Variants in MED12L observed in about 807,000 individuals in gnomAD.
MED12L encodes mediator of RNA polymerase II transcription subunit 12-like protein.
In MED12L, 60 loss-of-function variants were observed where a neutral mutation model predicts 281.3. The ratio of observed to expected loss-of-function variants is 0.21; its 90% confidence interval spans 0.17 to 0.26. MED12L has a LOEUF of 0.26. Ranked by LOEUF, MED12L falls within the 10% of genes least tolerant of loss-of-function variation. MED12L has a pLI of 1.00. For missense variants in MED12L, 2,146 were observed against 2,680.9 expected (o/e 0.80, Z 4.41); for synonymous variants, 974 against 987.2 (o/e 0.99, Z 0.25).
chr3:151,304,847 C>T (rs1236777277), intron 16 of MED12L, among the ~76,000 whole-genome samples: 2 of 152,050 alleles, frequency 1.3e-5, no homozygotes, highest in South Asian at 2.1e-4. Context: ...GAGCTGAAGT[C>T]GTTTTAGTTC....
intron 39 of MED12L, among the ~76,000 whole-genome samples, chr3:151,407,847 T>G (rs1172856863): frequency 6.6e-6 from 1 of 152,186 alleles, no homozygotes; most frequent in Non-Finnish European, 1.5e-5. Flanking sequence ...ATGCTGAAGT[T>G]TCGTAAATGG....
chr3:151,269,550 A>G, intron 16 of MED12L: 2 of 304,282 alleles, frequency 6.6e-6, no homozygotes, highest in Non-Finnish European at 1.3e-5. Flanking sequence ...TGATTGCCCA[A>G]ATTTCAAATT....
chr3:151,403,172 A>T (rs1163677221), intron 39 of MED12L, among the ~76,000 whole-genome samples: 1 of 152,172 alleles, frequency 6.6e-6, no homozygotes, highest in Non-Finnish European at 1.5e-5. Context: ...TCATGAATGC[A>T]TTGACCATGT....
Position 151,086,963 on chromosome 3 carries a change from C to T in MED12L, c.37C>T (p.Pro13Ser), listed in dbSNP as rs1202983673. ...CGGGCTTCTCAGCTATGAGCAGAGA[C>T]CGCTGAAGCGCCCCCGGCTCGGGCC... ...AFGLLSYEQR[P>S]LKRPRLGPPD... Residue 13 changes from proline (P) to serine (S), a missense_variant, in exon 2 of 45, where the codon CCG (proline) becomes TCG (serine). Pro to Ser is a moderately conservative substitution (Grantham distance 74). This residue lies in a region of MED12L where 44 missense variants were observed against 39.7 expected (regional missense o/e 1.11). Coordinates refer to ENST00000687756, the MANE Select transcript of MED12L (RefSeq NM_001393769.1). 2 of 1,609,956 alleles carry T rather than the reference C, an allele frequency of 1.2e-6. No homozygotes were observed. Among genetic ancestry groups the T allele is most frequent in the South Asian group, 2.2e-5 (2 of 90,478 alleles).
Position 151,165,985 on chromosome 3 carries a change from A to G in MED12L, c.1494+3A>G. 2 of 1,592,336 alleles carry G rather than the reference A, an allele frequency of 1.3e-6. No homozygotes were observed. Among genetic ancestry groups the G allele is most frequent in the Non-Finnish European group, 1.7e-6 (2 of 1,171,864 alleles). On this transcript the variant is annotated splice_donor_region_variant and intron_variant, in intron 11 of 44. Coordinates refer to ENST00000687756, the MANE Select transcript of MED12L (RefSeq NM_001393769.1). The stretch of plus-strand genomic sequence containing the variant: ...ACCAAAACAAAGATAACCAAGAGGT[A>G]GTTAATTTTTTTTTAATTCTTTTCA...
chr3:151,415,328 AT>A (rs1442230010), intron 42 of MED12L, among the ~76,000 whole-genome samples: 2 of 152,236 alleles, frequency 1.3e-5, no homozygotes, highest in Non-Finnish European at 2.9e-5. Context: ...GAAAAAGTTA[AT>A]AATGATGAAG....
At chr3:151,108,305 G>A (rs1711496160) in intron 2 of MED12L, among the ~76,000 whole-genome samples, 1 of 152,100 alleles carries the variant, frequency 6.6e-6, no homozygotes, top group Non-Finnish European at 1.5e-5. Flanking sequence ...GGGGAGATAT[G>A]TTTTGAGAGA....
At chr3:151,224,187 G>T (rs775268291) in intron 16 of MED12L, among the ~76,000 whole-genome samples, 3 of 152,088 alleles carry the variant, frequency 2.0e-5, no homozygotes, top group African/African-American at 7.2e-5. Context: ...CACTTATGAC[G>T]TGCATTTTTC....
At chr3:151,328,013 G>T in intron 16 of MED12L, 1 of 1,583,330 alleles carries the variant, frequency 6.3e-7, no homozygotes, top group Non-Finnish European at 8.6e-7. Context: ...TATGTTGTCT[G>T]TCTGACTGCT....
intron 16 of MED12L, among the ~76,000 whole-genome samples, chr3:151,195,239 G>A (rs890320049): frequency 1.2e-4 from 19 of 152,120 alleles, no homozygotes; most frequent in Admixed American, 1.2e-3. Context: ...GCAAAACAAA[G>A]TATTCTGTTA....
chr3:151,261,833 T>C (rs555848411), intron 16 of MED12L, among the ~76,000 whole-genome samples: 1 of 152,290 alleles, frequency 6.6e-6, no homozygotes, highest in South Asian at 2.1e-4. Flanking sequence ...CAATACATTC[T>C]TGTGCCTCAG....
At chr3:151,153,141 G>T (rs957860490) in intron 5 of MED12L, among the ~76,000 whole-genome samples, 5 of 152,318 alleles carry the variant, frequency 3.3e-5, no homozygotes, top group Admixed American at 3.3e-4. Context: ...CGGTGACCAA[G>T]ATCACAGTGC....
chr3:151,122,069 C>G (rs531799493), intron 3 of MED12L, among the ~76,000 whole-genome samples: 1 of 152,086 alleles, frequency 6.6e-6, no homozygotes, highest in Non-Finnish European at 1.5e-5. Context: ...TTACTTCTTT[C>G]CTGTTCCTTT....
In MED12L at chr3:151,165,767, A is replaced by G. The variant is rs1313366035; in HGVS notation, c.1358-79A>G. The G allele has an allele frequency of 1.8e-5, 26 of 1,447,662 alleles. No individual in the cohort carries two copies. The Admixed American group carries it at 3.2e-4, about 18-fold the overall frequency. The allele number at this position is 1,447,662 out of a possible 1,614,324, so 89.7% of individuals were successfully genotyped here. A position where few individuals can be genotyped will look rare whatever the true frequency, so the allele number is the denominator to read the frequency against. ...TTAAAAAAAAATTCTTTTGCCTCAC[A>G]TAGAATGGTGATTTTGTACTGTGTT... On this transcript the variant is annotated intron_variant, in intron 10 of 44. Coordinates refer to ENST00000687756, the MANE Select transcript of MED12L (RefSeq NM_001393769.1).
intron 16 of MED12L, among the ~76,000 whole-genome samples, chr3:151,313,841 T>C (rs1747876252): frequency 6.6e-6 from 1 of 151,986 alleles, no homozygotes; most frequent in South Asian, 2.1e-4. Context: ...GGAGAATCGC[T>C]TGAACGCAGG....
At position 151,383,881 on chromosome 3, in the gene MED12L, A is replaced by G; in HGVS notation, c.4783A>G (p.Thr1595Ala). The G allele has an allele frequency of 1.2e-6, 2 of 1,612,188 alleles. No individual in the cohort carries two copies. The highest frequency in any genetic ancestry group is 2.2e-5 in the South Asian group (2 of 90,990). The change falls in exon 34 of 45, where the codon ACT (threonine) becomes GCT (alanine). Residue 1595 changes from threonine (T) to alanine (A), a missense_variant. Thr to Ala is a moderately conservative substitution (Grantham distance 58, BLOSUM62 0). Transcript: ENST00000687756. ...TACTTCAGGAACTGTTGACATGCAC[A>G]CTAACAAGTATGTTTTTATCACTTC... ...IITSGTVDMH[T>A]NNELFTTVLD...
At chr3:151,293,786 AAGT>A (rs1033873276) in intron 16 of MED12L, among the ~76,000 whole-genome samples, 1 of 152,126 alleles carries the variant, frequency 6.6e-6, no homozygotes, top group African/African-American at 2.4e-5. Flanking sequence ...TATAGATGGA[AAGT>A]AGTAGTTTCT....
chr3:151,208,184 A>T (rs1294604163), intron 16 of MED12L, among the ~76,000 whole-genome samples: 1 of 152,206 alleles, frequency 6.6e-6, no homozygotes, highest in African/African-American at 2.4e-5. Context: ...TGGCCATGCC[A>T]ATTTTTTTAT....
chr3:151,416,272 T>C (rs935410538), intron 42 of MED12L, 40 bp from the exon 43 acceptor site: 3 of 1,612,242 alleles, frequency 1.9e-6, no homozygotes, highest in Non-Finnish European at 2.5e-6. Flanking sequence ...GCTGTTTTCT[T>C]CTTCCTTTTA....
Sources: gnomAD v4.1 joint callset for allele counts (sites outside exome capture counted in the v4.1 genomes callset) on GRCh38, gnomAD v4.1.1 for gene constraint, gnomAD v4.1.1 regional missense constraint, MANE v1.5 for transcripts, NCBI Gene and HGNC (gene_info 2026-07-23, HGNC 2026-07-21) for gene names.